Variants in TLE1 observed in about 807,000 individuals in gnomAD.
TLE1 encodes the protein transducin-like enhancer protein 1.
A neutral mutation model predicts 89.8 loss-of-function variants in TLE1; 21 were observed. The observed-to-expected ratio is 0.23, with a 90% CI of 0.17 to 0.34. The LOEUF is 0.34. Ranked by LOEUF, TLE1 falls within the 10% of genes least tolerant of loss-of-function variation. The pLI is 1.00. For missense variants in TLE1, 795 were observed against 1,031.2 expected, an observed-to-expected ratio of 0.77 and a Z score of 3.14; for synonymous variants, 447 against 407.6, an observed-to-expected ratio of 1.10 and a Z score of -1.16.
At position 81,588,763 on chromosome 9, in the gene TLE1, A is replaced by AC. The variant is rs558397804; in HGVS notation, c.1830-936_1830-935insG. On this transcript the variant is annotated intron_variant, in intron 16 of 19. Coordinates refer to ENST00000376499, the MANE Select transcript of TLE1 (RefSeq NM_005077.5). ...GGGGAGGCAGCCAGAAAAGGCGAGC[A>AC]AAGTCTAGACCCACCCTCAGAAGCA... is the stretch of plus-strand genomic sequence containing the variant. Among the ~76,000 whole-genome samples, 61 of 152,242 alleles carry AC rather than the reference A, an allele frequency of 4.0e-4. 1 individual carries two copies. In the South Asian group the frequency reaches 0.011, roughly 28 times the overall value.
At chr9:81,646,488 G>C (rs952319699) in intron 6 of TLE1, among the ~76,000 whole-genome samples, 15 of 152,214 alleles carry the variant, frequency 9.9e-5, no homozygotes, top group African/African-American at 2.4e-4. Context: ...TATTCTCCTA[G>C]GGAGAATTTG....
intron 12 of TLE1, chr9:81,612,514 GT>G: frequency 4.2e-6 from 1 of 235,616 alleles, no homozygotes; most frequent in Non-Finnish European, 6.9e-6. Flanking sequence ...CAAATTATGA[GT>G]TTTTTAAGGG....
In TLE1 at chr9:81,587,720, G is replaced by A. The variant is rs139363416; in HGVS notation, c.1938C>T (p.Arg646=). ...LDNTVRSWDL[R]EGRQLQQHDF... ...CGTGCTGCTGCAGCTGCCGCCCCTCGCGCAGGTCCCAGGACCTGACTGTGT... is the reference window on the plus strand; with the variant it reads ...CGTGCTGCTGCAGCTGCCGCCCCTCACGCAGGTCCCAGGACCTGACTGTGT... The change falls in exon 17 of 20, where the codon CGC becomes CGT. Residue 646 remains arginine (R), a synonymous_variant. Coordinates refer to ENST00000376499, the MANE Select transcript of TLE1 (RefSeq NM_005077.5). The A allele has an allele frequency of 3.4e-5, 55 of 1,613,548 alleles. No individual in the cohort carries two copies. Among genetic ancestry groups the A allele is most frequent in the Middle Eastern group, 3.3e-4 (2 of 6,052 alleles).
chr9:81,589,477 T>C (rs1829146696), intron 16 of TLE1, among the ~76,000 whole-genome samples: 1 of 152,154 alleles, frequency 6.6e-6, no homozygotes, highest in East Asian at 1.9e-4. Flanking sequence ...AGAGAAAGAT[T>C]TGTAAGACGC....
intron 12 of TLE1, among the ~76,000 whole-genome samples, chr9:81,612,725 C>T (rs541094320): frequency 6.6e-6 from 1 of 152,272 alleles, no homozygotes; most frequent in Admixed American, 6.5e-5. Flanking sequence ...AAATAATTAT[C>T]AGAAACTTTA....
intron 4 of TLE1, among the ~76,000 whole-genome samples, chr9:81,654,960 A>T (rs117833782): frequency 6.6e-6 from 1 of 152,198 alleles, no homozygotes; most frequent in Admixed American, 6.5e-5. Context: ...GAGTATTCGG[A>T]AAGTTTCGCC....
intron 9 of TLE1, 146 bp from the exon 10 acceptor site, chr9:81,616,845 T>G (rs1221406975): frequency 1.2e-6 from 1 of 802,870 alleles, no homozygotes; most frequent in African/African-American, 1.8e-5. Context: ...AGTTTGCCAG[T>G]CCTAGTAATT....
chr9:81,585,536 G>C lies in TLE1; in HGVS notation c.2097C>G (p.Ser699Arg). 1 of 1,614,056 alleles carries C rather than the reference G, an allele frequency of 6.2e-7. No individual in the cohort carries two copies. The highest frequency in any genetic ancestry group is 8.5e-7 in the Non-Finnish European group (1 of 1,180,024). The change falls in exon 18 of 20, where the codon AGC (serine) becomes AGG (arginine). Residue 699 changes from serine (S) to arginine (R), a missense_variant. Ser to Arg is a moderately radical substitution (Grantham distance 110, BLOSUM62 -1). Coordinates refer to ENST00000376499, the MANE Select transcript of TLE1 (RefSeq NM_005077.5). Reference sequence around the variant, plus strand: ...AAGCAAATTTCAGGGACAGCACGCAGCTCTCATGCAGGTGCAGCTGGTACT... The same window carrying C: ...AAGCAAATTTCAGGGACAGCACGCACCTCTCATGCAGGTGCAGCTGGTACT... ...PDKYQLHLHESCVLSLKFAYC... is the reference protein window; with the variant it reads ...PDKYQLHLHERCVLSLKFAYC...
chr9:81,647,492 C>T (rs1190908353), intron 6 of TLE1, among the ~76,000 whole-genome samples: 2 of 152,178 alleles, frequency 1.3e-5, no homozygotes, highest in Non-Finnish European at 2.9e-5. Flanking sequence ...CTGGCTGGGT[C>T]TAATCTCAAA....
chr9:81,592,084 C>A (rs190600610), intron 15 of TLE1, among the ~76,000 whole-genome samples: 170 of 152,296 alleles, frequency 1.1e-3, no homozygotes, highest in African/African-American at 3.9e-3. Context: ...CATGGCCGGG[C>A]GCGGTGGCTC....
At chr9:81,594,300 A>G (rs547412283) in intron 14 of TLE1, among the ~76,000 whole-genome samples, 41 of 152,260 alleles carry the variant, frequency 2.7e-4, no homozygotes, top group African/African-American at 9.6e-4. Flanking sequence ...TCAATGACAG[A>G]ATGGATAAAG....
chr9:81,645,703 G>A (rs969728460), intron 6 of TLE1, among the ~76,000 whole-genome samples: 4 of 152,014 alleles, frequency 2.6e-5, no homozygotes, highest in African/African-American at 7.2e-5. Flanking sequence ...TCAAGCCACT[G>A]CACTCCAGCC....
At chr9:81,647,648 G>C (rs1829017932) in intron 6 of TLE1, among the ~76,000 whole-genome samples, 1 of 152,130 alleles carries the variant, frequency 6.6e-6, no homozygotes. Context: ...TGCAGTTCAA[G>C]GAGTCAGGAC....
At chr9:81,609,258 T>C (rs1050785586) in intron 14 of TLE1, among the ~76,000 whole-genome samples, 3 of 152,146 alleles carry the variant, frequency 2.0e-5, no homozygotes, top group Admixed American at 6.5e-5. Context: ...CTAATTTTTG[T>C]ATTTTTAGTA....
At chr9:81,624,110 A>AC (rs1365309231) in intron 8 of TLE1, among the ~76,000 whole-genome samples, 4 of 152,152 alleles carry the variant, frequency 2.6e-5, no homozygotes, top group Non-Finnish European at 5.9e-5. Context: ...CTTAAAATCC[A>AC]CCCTGGCTCT....
intron 4 of TLE1, among the ~76,000 whole-genome samples, chr9:81,685,221 A>G (rs1044623360): frequency 2.0e-5 from 3 of 152,086 alleles, no homozygotes; most frequent in African/African-American, 7.2e-5. Flanking sequence ...CATAAAGAAT[A>G]CTCCACAGAT....
At chr9:81,588,739 G>A (rs889156230) in intron 16 of TLE1, among the ~76,000 whole-genome samples, 2 of 152,130 alleles carry the variant, frequency 1.3e-5, no homozygotes, top group Non-Finnish European at 2.9e-5. Flanking sequence ...AAGGTGGTGG[G>A]GGAGGCAGCC....
At chr9:81,629,238 A>C (rs1826273217) in intron 8 of TLE1, among the ~76,000 whole-genome samples, 1 of 152,184 alleles carries the variant, frequency 6.6e-6, no homozygotes, top group Admixed American at 6.5e-5. Context: ...TTTGTCAATT[A>C]TCTCTTTCAA....
intron 6 of TLE1, among the ~76,000 whole-genome samples, chr9:81,636,766 G>A (rs535503207): frequency 2.0e-5 from 3 of 152,242 alleles, no homozygotes; most frequent in South Asian, 4.1e-4. Flanking sequence ...ACACTTTGGG[G>A]GCCCAAGGCA....
Sources: gnomAD v4.1 joint callset for allele counts (sites outside exome capture counted in the v4.1 genomes callset) on GRCh38, gnomAD v4.1.1 for gene constraint, MANE v1.5 for transcripts, NCBI Gene and HGNC (gene_info 2026-07-23, HGNC 2026-07-21) for gene names.